Variants in CYP7B1 observed in about 807,000 individuals in gnomAD.
CYP7B1 encodes cytochrome P450 family 7 subfamily B member 1, also known as cytochrome P450 7B1.
In CYP7B1, 29 loss-of-function variants were observed where a neutral mutation model predicts 42.7. The observed-to-expected ratio is 0.68, with a 90% confidence interval of 0.51 to 0.93. The LOEUF is 0.93. Ranked by LOEUF, CYP7B1 falls within the 40% of genes least tolerant of loss-of-function variation. The probability of loss-of-function intolerance (pLI) is 0.00; values close to 1 mark genes in which losing one functional copy is unlikely to be tolerated. For missense variants in CYP7B1, 655 were observed against 600.5 expected, an observed-to-expected ratio of 1.09 and a Z score of -0.95; for synonymous variants, 235 against 218.2, an observed-to-expected ratio of 1.08 and a Z score of -0.68.
At chr8:64,631,747 A>C (rs1005342194) in intron 1 of CYP7B1, among the ~76,000 whole-genome samples, 1 of 152,224 alleles carries the variant, frequency 6.6e-6, no homozygotes, top group Non-Finnish European at 1.5e-5. Flanking sequence ...CCAATTAAAA[A>C]ATGGGCTAAG....
At chr8:64,611,263 T>C (rs1412523379) in intron 4 of CYP7B1, among the ~76,000 whole-genome samples, 1 of 152,166 alleles carries the variant, frequency 6.6e-6, no homozygotes, top group East Asian at 1.9e-4. Flanking sequence ...GCCTTTCTTC[T>C]TAATCACCTC....
chr8:64,642,235 T>G (rs1197130414), intron 1 of CYP7B1, among the ~76,000 whole-genome samples: 1 of 152,142 alleles, frequency 6.6e-6, no homozygotes, highest in Non-Finnish European at 1.5e-5. Context: ...CTATGTGTAT[T>G]GTACTCTATT....
chr8:64,617,042 A>G (rs552051284), intron 2 of CYP7B1, among the ~76,000 whole-genome samples: 31 of 152,236 alleles, frequency 2.0e-4, no homozygotes, highest in African/African-American at 6.0e-4. Flanking sequence ...TTGCATCCCT[A>G]TGGATTGTGA....
rs185672446 is a variant in CYP7B1, at chr8:64,652,798, C to T, written c.123-28259G>A. 2.9e-3 allele frequency among the ~76,000 whole-genome samples: 440 copies of T among 152,190 alleles called. 5 individuals carry two copies. The highest frequency in any genetic ancestry group is 6.8e-3 in the Middle Eastern group (2 of 294). ...GGCAGAGCTTGCAGTGAACTGAGAT[C>T]GTGCCACTGCACTCCAGCCTGGGCG... is the stretch of plus-strand genomic sequence containing the variant. On this transcript the variant is annotated intron_variant, in intron 1 of 5. Coordinates refer to ENST00000310193, the MANE Select transcript of CYP7B1 (RefSeq NM_004820.5).
chr8:64,692,402 C>T (rs750215379), intron 1 of CYP7B1, among the ~76,000 whole-genome samples: 3 of 152,152 alleles, frequency 2.0e-5, no homozygotes, highest in Non-Finnish European at 4.4e-5. Context: ...AAGCAGACCC[C>T]GGTGCACAGA....
chr8:64,701,969 C>T (rs1254509352), intron 1 of CYP7B1, among the ~76,000 whole-genome samples: 1 of 151,994 alleles, frequency 6.6e-6, no homozygotes, highest in Non-Finnish European at 1.5e-5. Flanking sequence ...TTACAGGCTG[C>T]ATGGGATCGA....
chr8:64,786,579 AC>A (rs140494047), intron 1 of CYP7B1, among the ~76,000 whole-genome samples: 1,881 of 152,316 alleles, frequency 0.012, 45 homozygotes, highest in African/African-American at 0.041. Context: ...TTTGCAGGGT[AC>A]AGCCCCCCTC....
At chr8:64,669,690 G>A (rs1255516110) in intron 1 of CYP7B1, among the ~76,000 whole-genome samples, 2 of 151,528 alleles carry the variant, frequency 1.3e-5, no homozygotes, top group African/African-American at 4.8e-5. Flanking sequence ...GGTTTCTTGA[G>A]TTCTCTCTAG....
At chr8:64,662,722 T>C (rs1806216983) in intron 1 of CYP7B1, among the ~76,000 whole-genome samples, 1 of 152,172 alleles carries the variant, frequency 6.6e-6, no homozygotes, top group African/African-American at 2.4e-5. Flanking sequence ...AGCTATGTGG[T>C]TACAAGTCCT....
chr8:64,767,450 C>T (rs1385827364), intron 1 of CYP7B1, among the ~76,000 whole-genome samples: 4 of 152,226 alleles, frequency 2.6e-5, no homozygotes, highest in Non-Finnish European at 5.9e-5. Flanking sequence ...CTCCAGGAAA[C>T]CAAGCCCCAG....
At chr8:64,717,742 G>T (rs1807179057) in intron 1 of CYP7B1, among the ~76,000 whole-genome samples, 1 of 151,992 alleles carries the variant, frequency 6.6e-6, no homozygotes. Context: ...AGCTACTCAG[G>T]AGCCTGAGGT....
intron 1 of CYP7B1, among the ~76,000 whole-genome samples, chr8:64,711,966 T>G (rs1807087816): frequency 6.6e-6 from 1 of 152,246 alleles, no homozygotes; most frequent in Non-Finnish European, 1.5e-5. Flanking sequence ...CAATCCTTTC[T>G]CTTCTGCACT....
At chr8:64,790,784 T>C (rs907159534) in intron 1 of CYP7B1, among the ~76,000 whole-genome samples, 1 of 152,202 alleles carries the variant, frequency 6.6e-6, no homozygotes, top group Non-Finnish European at 1.5e-5. Flanking sequence ...GGTTGAATCA[T>C]GACCCCTCAA....
chr8:64,634,209 C>T (rs1805736808), intron 1 of CYP7B1, among the ~76,000 whole-genome samples: 1 of 152,130 alleles, frequency 6.6e-6, no homozygotes, highest in African/African-American at 2.4e-5. Context: ...TTAATAATAA[C>T]ATTTTGAGAA....
At chr8:64,678,079 C>A (rs1313979733) in intron 1 of CYP7B1, among the ~76,000 whole-genome samples, 2 of 152,110 alleles carry the variant, frequency 1.3e-5, no homozygotes, top group Non-Finnish European at 1.5e-5. Context: ...AACGGGCTGT[C>A]CTAAGCTCTG....
In CYP7B1 at chr8:64,591,494, A is replaced by C. The variant is rs1805032397; in HGVS notation, c.*5148T>G. ...TTATACTAGGATCAAACACTAGATA[A>C]ATGTTGTGCTTTGGTCTTTGAACAG... is the stretch of plus-strand genomic sequence containing the variant. On this transcript the variant is annotated 3_prime_UTR_variant, in exon 6 of 6. Coordinates refer to ENST00000310193, the MANE Select transcript of CYP7B1 (RefSeq NM_004820.5). Among the ~76,000 whole-genome samples the C allele has an allele frequency of 6.6e-6, 1 of 152,202 alleles. No individual in the cohort carries two copies. Among genetic ancestry groups the C allele is most frequent in the Admixed American group, 6.5e-5 (1 of 15,280 alleles).
intron 1 of CYP7B1, among the ~76,000 whole-genome samples, chr8:64,768,762 G>GT (rs1179476773): frequency 1.3e-5 from 2 of 151,970 alleles, no homozygotes; most frequent in Non-Finnish European, 2.9e-5. Flanking sequence ...TAATTCAAAG[G>GT]TTTTCCCAAT....
chr8:64,607,255 AT>A (rs1247963108), intron 4 of CYP7B1, among the ~76,000 whole-genome samples: 26 of 152,140 alleles, frequency 1.7e-4, no homozygotes, highest in African/African-American at 6.3e-4. Context: ...TTTTTATTTG[AT>A]AAGGTGTTGT....
At chr8:64,633,392 G>A (rs1030498350) in intron 1 of CYP7B1, among the ~76,000 whole-genome samples, 3 of 152,096 alleles carry the variant, frequency 2.0e-5, no homozygotes, top group African/African-American at 7.2e-5. Context: ...ACCTAATGAA[G>A]TACTACAGTA....
Sources: allele counts gnomAD v4.1 joint callset (sites outside exome capture counted in the v4.1 genomes callset), GRCh38; gene constraint gnomAD v4.1.1; transcripts MANE v1.5; gene names NCBI Gene and HGNC (gene_info 2026-07-23, HGNC 2026-07-21).